The following FBXW11 variants were observed in gnomAD, a reference collection of about 807,000 sequenced individuals.
FBXW11 encodes the protein F-box and WD repeat domain containing 11.
A neutral mutation model predicts 77.6 loss-of-function variants in FBXW11; 19 were observed. That is an observed-to-expected ratio of 0.24 (90% CI 0.17 to 0.36). The LOEUF (loss-of-function observed/expected upper bound fraction) is 0.36, where lower values mean the gene tolerates loss of function less well. Ranked by LOEUF, FBXW11 falls within the 10% of genes least tolerant of loss-of-function variation. The probability of loss-of-function intolerance (pLI) is 1.00; values close to 1 mark genes in which losing one functional copy is unlikely to be tolerated. For synonymous variants in FBXW11, 235 were observed against 249.4 expected, an observed-to-expected ratio of 0.94 and a Z score of 0.54; for missense variants, 334 against 704.2, an observed-to-expected ratio of 0.47 and a Z score of 5.95.
chr5:171,925,816 A>C (rs895522421), intron 2 of FBXW11, among the ~76,000 whole-genome samples: 29 of 152,324 alleles, frequency 1.9e-4, no homozygotes, highest in Non-Finnish European at 2.9e-4. Flanking sequence ...GTAGATTTTT[A>C]AAACATGGTC....
Position 171,886,354 on chromosome 5 carries a change from T to C in FBXW11, c.852+5113A>G, listed in dbSNP as rs1044155645. 2.1e-5 allele frequency among the ~76,000 whole-genome samples: 3 copies of C among 140,460 alleles called. No homozygotes were observed. In the Admixed American group the frequency reaches 2.4e-4, roughly 11 times the overall value. The allele number at this position is 140,460 out of a possible 152,430, so 92.1% of individuals were successfully genotyped here. On this transcript the variant is annotated intron_variant, in intron 7 of 13. Coordinates refer to ENST00000517395, the MANE Select transcript of FBXW11 (RefSeq NM_001378974.1). Reference sequence around the variant, plus strand: ...ACCAAACACCGCATGTTCTCACTCATAGGTGGGAATTGAACAATGAGAACA... The same window carrying C: ...ACCAAACACCGCATGTTCTCACTCACAGGTGGGAATTGAACAATGAGAACA...
rs187764267 is a variant in FBXW11 at position 171,985,975 on chromosome 5, A to G, written c.45+20483T>C. ...AAAATAAAAATTAAAAATGTATATGACCAATTAGATAAAGTGAAATTGGTC... is the reference window on the plus strand; with the variant it reads ...AAAATAAAAATTAAAAATGTATATGGCCAATTAGATAAAGTGAAATTGGTC... On this transcript the variant is annotated intron_variant, in intron 1 of 13. Transcript: ENST00000517395. Among the ~76,000 whole-genome samples, 392 of 152,228 alleles carry G rather than the reference A, an allele frequency of 2.6e-3. 2 individuals are homozygous for G. Among genetic ancestry groups the G allele is most frequent in the African/African-American group, 9.2e-3 (380 of 41,520 alleles).
rs192010245 is a variant in FBXW11 at position 171,884,721 on chromosome 5, G to A, written c.853-6592C>T. Among the ~76,000 whole-genome samples, 3 of 152,240 alleles carry A rather than the reference G, an allele frequency of 2.0e-5. No homozygotes were observed. In the East Asian group the frequency reaches 5.8e-4, roughly 29 times the overall value. On this transcript the variant is annotated intron_variant, in intron 7 of 13. Transcript: ENST00000517395. Reference sequence around the variant, plus strand: ...CTACCCATCCATGAGCATGGGATGTGTTTCCATTTGTTCGTGTCATCTATG... The same window carrying A: ...CTACCCATCCATGAGCATGGGATGTATTTCCATTTGTTCGTGTCATCTATG...
chr5:171,958,007 A>AT (rs1763705389), intron 1 of FBXW11, among the ~76,000 whole-genome samples: 1 of 152,224 alleles, frequency 6.6e-6, no homozygotes, highest in African/African-American at 2.4e-5. Flanking sequence ...GCAAAACAAG[A>AT]TTAGTGGTGA....
intron 2 of FBXW11, among the ~76,000 whole-genome samples, chr5:171,945,186 G>A (rs1762944379): frequency 6.6e-6 from 1 of 152,228 alleles, no homozygotes; most frequent in Admixed American, 6.5e-5. Context: ...AAAGCAGGAA[G>A]CTATTTTCAA....
chr5:171,965,726 GTGA>G (rs1343599793), intron 1 of FBXW11, among the ~76,000 whole-genome samples: 6 of 151,872 alleles, frequency 4.0e-5, no homozygotes, highest in Non-Finnish European at 7.4e-5. Flanking sequence ...ATAATTTTAA[GTGA>G]TGACTTATTT....
chr5:171,995,336 T>C (rs1046600996), intron 1 of FBXW11, among the ~76,000 whole-genome samples: 7 of 152,236 alleles, frequency 4.6e-5, no homozygotes, highest in Non-Finnish European at 5.9e-5. Context: ...GATATTTAAA[T>C]GCATTGTCTC....
At chr5:171,929,393 C>A (rs1328599538) in intron 2 of FBXW11, among the ~76,000 whole-genome samples, 2 of 151,548 alleles carry the variant, frequency 1.3e-5, no homozygotes, top group East Asian at 3.9e-4. Context: ...ATAAACCAAT[C>A]AATAATTTAA....
At chr5:171,952,396 ATGTG>A (rs140336294) in intron 2 of FBXW11, among the ~76,000 whole-genome samples, 1 of 110,826 alleles carries the variant, frequency 9.0e-6, no homozygotes, top group Non-Finnish European at 1.8e-5. Flanking sequence ...GTGTGTGTAT[ATGTG>A]TGTGTGTGTT....
rs550048792 is a variant in FBXW11, at chr5:171,867,336, G to C, written c.*25+1274C>G. ...ATGAGCATGGCTGTGTAGCACAAATGTTTATTTATGAACACTGCAATTTAA... is the reference window on the plus strand; with the variant it reads ...ATGAGCATGGCTGTGTAGCACAAATCTTTATTTATGAACACTGCAATTTAA... On this transcript the variant is annotated intron_variant, in intron 13 of 13. Coordinates refer to ENST00000517395, the MANE Select transcript of FBXW11 (RefSeq NM_001378974.1). 3.8e-4 allele frequency among the ~76,000 whole-genome samples: 58 copies of C among 151,952 alleles called. 3 individuals carry two copies. In the South Asian group the frequency reaches 0.011, roughly 28 times the overall value.
At chr5:171,916,566 T>C (rs746511228) in intron 2 of FBXW11, 24 of 565,396 alleles carry the variant, frequency 4.2e-5, no homozygotes, top group South Asian at 1.6e-4. Flanking sequence ...AGGTAGTATT[T>C]ATGGAGGTCT....
intron 2 of FBXW11, among the ~76,000 whole-genome samples, chr5:171,947,834 T>G (rs560367467): frequency 2.6e-4 from 40 of 152,190 alleles, no homozygotes; most frequent in African/African-American, 9.6e-4. Flanking sequence ...AAAGGACTAC[T>G]TGGGCCTGGG....
At chr5:171,923,948 CAG>C in intron 2 of FBXW11, among the ~76,000 whole-genome samples, 1 of 93,508 alleles carries the variant, frequency 1.1e-5, no homozygotes, top group East Asian at 3.5e-4. Context: ...TTTTTTGAGA[CAG>C]AGTCTTGCTC....
chr5:171,875,982 C>G (rs1318832620), intron 9 of FBXW11, among the ~76,000 whole-genome samples: 3 of 152,160 alleles, frequency 2.0e-5, no homozygotes, highest in Admixed American at 6.6e-5. Flanking sequence ...TTAACTGAGA[C>G]CATAATGTAA....
At chr5:171,978,587 C>A (rs1317464944) in intron 1 of FBXW11, among the ~76,000 whole-genome samples, 1 of 152,210 alleles carries the variant, frequency 6.6e-6, no homozygotes, top group African/African-American at 2.4e-5. Flanking sequence ...TCACAGAGAG[C>A]ATCCAGAGCC....
In FBXW11 at chr5:171,904,065, G is replaced by A. The variant is rs1760310736; in HGVS notation, c.437-3965C>T. On this transcript the variant is annotated intron_variant, in intron 4 of 13. Coordinates refer to ENST00000517395, the MANE Select transcript of FBXW11 (RefSeq NM_001378974.1). The surrounding 1 kb of genome is among the most constrained non-coding windows in gnomAD (Gnocchi z 4.0). ...TAATCCTAGAACTTTGGGAGGCCAA[G>A]ATGGGCAGATCGCTTGAGTCCAGGA... Among the ~76,000 whole-genome samples, 1 of 152,198 alleles carries A rather than the reference G, an allele frequency of 6.6e-6. No individual in the cohort carries two copies. The highest frequency in any genetic ancestry group is 1.5e-5 in the Non-Finnish European group (1 of 68,036).
In FBXW11 at chr5:171,908,434, G is replaced by C. The variant is rs141597544; in HGVS notation, c.436+2138C>G. Among the ~76,000 whole-genome samples, 265 of 152,222 alleles carry C rather than the reference G, an allele frequency of 1.7e-3. 1 individual carries two copies. Among genetic ancestry groups the C allele is most frequent in the Middle Eastern group, 6.8e-3 (2 of 294 alleles). On this transcript the variant is annotated intron_variant, in intron 4 of 13. Coordinates refer to ENST00000517395, the MANE Select transcript of FBXW11 (RefSeq NM_001378974.1). Reference sequence around the variant, plus strand: ...TTCACATCACCACCACTATAATCAAGATGTGTGATTCTGGGCATCTCACCC... The same window carrying C: ...TTCACATCACCACCACTATAATCAACATGTGTGATTCTGGGCATCTCACCC...
intron 4 of FBXW11, among the ~76,000 whole-genome samples, chr5:171,910,364 G>A (rs1418644832): frequency 1.3e-5 from 2 of 152,052 alleles, no homozygotes; most frequent in Non-Finnish European, 2.9e-5. Context: ...ACTGCGCCTG[G>A]CCAGGAATGA....
chr5:171,980,485 T>A (rs1474578600), intron 1 of FBXW11, among the ~76,000 whole-genome samples: 1 of 152,192 alleles, frequency 6.6e-6, no homozygotes, highest in Non-Finnish European at 1.5e-5. Context: ...GACAAAGGAC[T>A]AATTTCCAGA....
Sources: allele counts gnomAD v4.1 joint callset (sites outside exome capture counted in the v4.1 genomes callset), GRCh38; gene constraint gnomAD v4.1.1; non-coding constraint Gnocchi (gnomAD v3.1); transcripts MANE v1.5; gene names NCBI Gene and HGNC (gene_info 2026-07-23, HGNC 2026-07-21).